VSX2: variants seen among roughly 807,000 people sequenced by gnomAD.
VSX2 encodes visual system homeobox 2.
VSX2 carries 28 observed loss-of-function variants against 32.1 expected under a neutral mutation model. That is an observed-to-expected ratio of 0.87 (90% CI 0.65 to 1.20). VSX2 has a LOEUF of 1.20. Ranked by LOEUF, VSX2 falls within the 50% of genes most tolerant of loss-of-function variation. The pLI is 0.00. For synonymous variants in VSX2, 243 were observed against 214.1 expected, an observed-to-expected ratio of 1.14 and a Z score of -1.18; for missense variants, 506 against 488.7, an observed-to-expected ratio of 1.04 and a Z score of -0.33.
intron 2 of VSX2, among the ~76,000 whole-genome samples, chr14:74,242,644 C>A (rs1270842519): frequency 7.1e-6 from 1 of 140,246 alleles, no homozygotes; most frequent in South Asian, 2.3e-4. Flanking sequence ...ACATTCAATT[C>A]ATTCAACGAA....
intron 3 of VSX2, among the ~76,000 whole-genome samples, chr14:74,252,467 T>C (rs188654876): frequency 1.4e-4 from 21 of 151,434 alleles, no homozygotes; most frequent in African/African-American, 4.1e-4. Flanking sequence ...CTCGGCTCAC[T>C]GCAACCTCTG....
Position 74,261,192 on chromosome 14 carries a change from A to G in VSX2, c.*273A>G, listed in dbSNP as rs2139647092. On this transcript the variant is annotated 3_prime_UTR_variant, in exon 5 of 5. Transcript: ENST00000261980. ...AACGTCCCCTCAAGCCCCTTCTCTCAATCCCTTTGCAACGCTCACTGGTTT... is the reference window on the plus strand; with the variant it reads ...AACGTCCCCTCAAGCCCCTTCTCTCGATCCCTTTGCAACGCTCACTGGTTT... The G allele has an allele frequency of 2.0e-6, 1 of 511,576 alleles. No homozygotes were observed. Among genetic ancestry groups the G allele is most frequent in the South Asian group, 2.9e-5 (1 of 34,004 alleles). The allele number at this position is 511,576 out of a possible 1,614,324, so 31.7% of individuals were successfully genotyped here. A position where few individuals can be genotyped will look rare whatever the true frequency, so the allele number is the denominator to read the frequency against.
chr14:74,239,903 G>T lies in VSX2; in HGVS notation c.342G>T (p.Pro114=). 1 of 1,570,826 alleles carries T rather than the reference G, an allele frequency of 6.4e-7. No homozygotes were observed. The highest frequency in any genetic ancestry group is 1.2e-5 in the South Asian group (1 of 85,732). Reference sequence around the variant, plus strand: ...AGCCATTGGGCAGAGCATCGGGGCCGCTGGACACCAGCCAGACGGCCAGCT... The same window carrying T: ...AGCCATTGGGCAGAGCATCGGGGCCTCTGGACACCAGCCAGACGGCCAGCT... ...HLQPLGRASG[P]LDTSQTASSD... Residue 114 remains proline, a synonymous_variant, in exon 1 of 5, where the codon CCG becomes CCT. Coordinates refer to ENST00000261980, the MANE Select transcript of VSX2 (RefSeq NM_182894.3).
At chr14:74,240,307 G>A (rs1472107573) in intron 1 of VSX2, among the ~76,000 whole-genome samples, 1 of 152,200 alleles carries the variant, frequency 6.6e-6, no homozygotes, top group Non-Finnish European at 1.5e-5. Context: ...CCGGCCTGGT[G>A]TAGGATCCGC....
intron 2 of VSX2, among the ~76,000 whole-genome samples, chr14:74,244,604 G>GC (rs2079171946): frequency 1.3e-5 from 2 of 152,224 alleles, no homozygotes; most frequent in South Asian, 4.2e-4. Context: ...TGTGAGAGGG[G>GC]CCCAGGAAGC....
chr14:74,257,006 T>C (rs1337552032), intron 3 of VSX2, among the ~76,000 whole-genome samples: 1 of 152,076 alleles, frequency 6.6e-6, no homozygotes, highest in Non-Finnish European at 1.5e-5. Flanking sequence ...TTAGTCCTTT[T>C]GGATTTTTCC....
Position 74,244,998 on chromosome 14 carries a change from G to C in VSX2, c.456-167G>C, listed in dbSNP as rs1471208735. On this transcript the variant is annotated intron_variant, in intron 2 of 4. Coordinates refer to ENST00000261980, the MANE Select transcript of VSX2 (RefSeq NM_182894.3). The stretch of plus-strand genomic sequence containing the variant: ...TGTGTGTGTGAGAGAGAGAGAGAGA[G>C]AGAGAGAGACAGAGAGAGAGAGAGA... Among the ~76,000 whole-genome samples the C allele has an allele frequency of 1.2e-4, 16 of 137,874 alleles. 2 individuals are homozygous for C. Among genetic ancestry groups the C allele is most frequent in the South Asian group, 9.3e-4 (4 of 4,282 alleles). The allele number at this position is 137,874 out of a possible 152,430, so 90.5% of individuals were successfully genotyped here.
intron 3 of VSX2, among the ~76,000 whole-genome samples, chr14:74,252,560 T>C (rs1255796442): frequency 6.6e-6 from 1 of 151,938 alleles, no homozygotes; most frequent in Admixed American, 6.5e-5. Context: ...TCACCTAATT[T>C]TTGTATTTTT....
rs1594759532 is a variant in VSX2, at chr14:74,261,199, T to G, written c.*280T>G. ...CCTCAAGCCCCTTCTCTCAATCCCT[T>G]TGCAACGCTCACTGGTTTTGGCCAC... On this transcript the variant is annotated 3_prime_UTR_variant, in exon 5 of 5. Transcript: ENST00000261980. The G allele has an allele frequency of 2.0e-6, 1 of 492,232 alleles. No individual in the cohort carries two copies. The highest frequency in any genetic ancestry group is 3.7e-6 in the Non-Finnish European group (1 of 273,806). The allele number at this position is 492,232 out of a possible 1,614,324, so 30.5% of individuals were successfully genotyped here.
chr14:74,239,734 C>A lies in VSX2; in HGVS notation c.173C>A (p.Pro58His), dbSNP rs2079136024. ...CGGGCAGCGCTCGACGGCCTGGCCCCCGGGCACTTGCTGGCGGCGCGCTCA... is the reference window on the plus strand; with the variant it reads ...CGGGCAGCGCTCGACGGCCTGGCCCACGGGCACTTGCTGGCGGCGCGCTCA... Reference protein sequence around the residue: ...HPRAALDGLAPGHLLAARSVL... With the variant: ...HPRAALDGLAHGHLLAARSVL... The change falls in exon 1 of 5, where the codon CCC becomes CAC. Residue 58 changes from proline (P) to histidine (H), a missense_variant. By Grantham distance (77) the Pro-to-His change is moderately conservative. Coordinates refer to ENST00000261980, the MANE Select transcript of VSX2 (RefSeq NM_182894.3). 1.3e-6 allele frequency: 2 copies of A among 1,549,156 alleles called. No homozygotes were observed. The highest frequency in any genetic ancestry group is 1.7e-6 in the Non-Finnish European group (2 of 1,146,678).
At chr14:74,254,132 A>G (rs10135737) in intron 3 of VSX2, among the ~76,000 whole-genome samples, 92,291 of 151,302 alleles carry the variant, frequency 0.61, 30,137 homozygotes, top group East Asian at 0.93. Context: ...GGGAGAGGCC[A>G]GGCGTGGGGG....
rs753621308 is a variant in VSX2, at chr14:74,249,221, C to G, written c.579+3933C>G. ...TGTTGTTACTGGCATTTATTAAGTA[C>G]TCACCATTGTCCCAGATATTAAGTG... is the stretch of plus-strand genomic sequence containing the variant. On this transcript the variant is annotated intron_variant, in intron 3 of 4. Coordinates refer to ENST00000261980, the MANE Select transcript of VSX2 (RefSeq NM_182894.3). Among the ~76,000 whole-genome samples the G allele has an allele frequency of 2.0e-5, 3 of 152,164 alleles. No individual in the cohort carries two copies. In the East Asian group the frequency reaches 5.8e-4, roughly 29 times the overall value.
At position 74,260,940 on chromosome 14, in the gene VSX2, C is replaced by T. The variant is rs947032959; in HGVS notation, c.*21C>T. The T allele has an allele frequency of 9.7e-6, 15 of 1,549,648 alleles. No homozygotes were observed. The highest frequency in any genetic ancestry group is 6.0e-5 in the South Asian group (5 of 83,984). ...CTTAGGTCAAGGCGCGCTCAGATGC[C>T]GGAGCCCCAAGACTCTGCTCTCCTC... On this transcript the variant is annotated 3_prime_UTR_variant, in exon 5 of 5. Coordinates refer to ENST00000261980, the MANE Select transcript of VSX2 (RefSeq NM_182894.3).
At chr14:74,252,116 C>T (rs1045138501) in intron 3 of VSX2, among the ~76,000 whole-genome samples, 4 of 152,170 alleles carry the variant, frequency 2.6e-5, no homozygotes, top group Non-Finnish European at 5.9e-5. Flanking sequence ...GATGCCAGGG[C>T]GGGAGCTTGC....
intron 3 of VSX2, among the ~76,000 whole-genome samples, chr14:74,250,699 G>C (rs562679039): frequency 6.1e-4 from 80 of 130,096 alleles, no homozygotes; most frequent in Non-Finnish European, 1.3e-3. Context: ...GAATCACCAG[G>C]GCAGATTTTT....
At chr14:74,254,628 G>A (rs907181484) in intron 3 of VSX2, among the ~76,000 whole-genome samples, 3 of 152,076 alleles carry the variant, frequency 2.0e-5, no homozygotes, top group Non-Finnish European at 4.4e-5. Flanking sequence ...AGAGGGCCAG[G>A]CAATGCCATT....
chr14:74,261,704 G>A lies in VSX2; in HGVS notation c.*785G>A, dbSNP rs2079308984. 1 of 152,480 alleles carries A rather than the reference G, an allele frequency of 6.6e-6. No individual in the cohort carries two copies. The highest frequency in any genetic ancestry group is 6.5e-5 in the Admixed American group (1 of 15,292). 9.4% of individuals were successfully genotyped at this position (152,480 alleles called of 1,614,324 possible). On this transcript the variant is annotated 3_prime_UTR_variant, in exon 5 of 5. Coordinates refer to ENST00000261980, the MANE Select transcript of VSX2 (RefSeq NM_182894.3). ...TGTACGCTGCGTGCCATGAGTCCAT[G>A]TCCTATGCCTCACAAATGCTGTGGT...
intron 2 of VSX2, among the ~76,000 whole-genome samples, 196 bp from the exon 3 acceptor site, chr14:74,244,969 T>A (rs2079180300): frequency 4.9e-5 from 4 of 81,792 alleles, no homozygotes; most frequent in East Asian, 7.5e-4. Flanking sequence ...TGTGTGTGTG[T>A]GTGTGTGTGT....
chr14:74,259,442 C>A (rs539223964), intron 3 of VSX2, among the ~76,000 whole-genome samples, 160 bp from the exon 4 acceptor site: 146 of 151,982 alleles, frequency 9.6e-4, no homozygotes, highest in Non-Finnish European at 1.9e-3. Context: ...CTTCTGAATA[C>A]TCCCTGAGCC....
Sources: gnomAD v4.1 joint callset for allele counts (sites outside exome capture counted in the v4.1 genomes callset) on GRCh38, gnomAD v4.1.1 for gene constraint, MANE v1.5 for transcripts, NCBI Gene and HGNC (gene_info 2026-07-23, HGNC 2026-07-21) for gene names.